METTL8: variants seen among roughly 807,000 people sequenced by gnomAD.
METTL8 encodes the protein tRNA N(3)-cytidine methyltransferase METTL8, mitochondrial.
In METTL8, 32 loss-of-function variants were observed where a neutral mutation model predicts 48.7. The observed-to-expected ratio is 0.66, with a 90% confidence interval of 0.50 to 0.88. METTL8 has a LOEUF of 0.88. Ranked by LOEUF, METTL8 falls within the 40% of genes least tolerant of loss-of-function variation. The probability of loss-of-function intolerance (pLI) is 0.00; values close to 1 mark genes in which losing one functional copy is unlikely to be tolerated. For synonymous variants in METTL8, 136 were observed against 157.1 expected, an observed-to-expected ratio of 0.87 and a Z score of 1.01; for missense variants, 464 against 474.4, an observed-to-expected ratio of 0.98 and a Z score of 0.20.
chr2:171,380,754 T>A (rs1203563640), intron 2 of METTL8, among the ~76,000 whole-genome samples: 3 of 151,946 alleles, frequency 2.0e-5, no homozygotes, highest in Non-Finnish European at 2.9e-5. Context: ...AGAGAGGACA[T>A]AAACGAATGG....
At chr2:171,351,698 C>A (rs528279048) in intron 3 of METTL8, among the ~76,000 whole-genome samples, 1 of 152,094 alleles carries the variant, frequency 6.6e-6, no homozygotes, top group Non-Finnish European at 1.5e-5. Context: ...AATTTGGATT[C>A]CTAGGTATTT....
chr2:171,398,512 T>C (rs1202213687), intron 1 of METTL8, among the ~76,000 whole-genome samples: 1 of 151,342 alleles, frequency 6.6e-6, no homozygotes, highest in Non-Finnish European at 1.5e-5. Context: ...GAAGGGGGAA[T>C]GGGGAATTAA....
rs1292762934 is a variant in METTL8, at chr2:171,433,927, C to A, written c.-57G>T. On this transcript the variant is annotated 5_prime_UTR_variant, in exon 1 of 10. Coordinates refer to ENST00000375258, the MANE Select transcript of METTL8 (RefSeq NM_001321154.2). ...TTTGGGGGGATCGCCCTCGACACAGCGCCCCTCCCGGCACCTGGCCAGAAC... is the reference window on the plus strand; with the variant it reads ...TTTGGGGGGATCGCCCTCGACACAGAGCCCCTCCCGGCACCTGGCCAGAAC... The A allele has an allele frequency of 5.3e-6, 1 of 188,766 alleles. No homozygotes were observed. The highest frequency in any genetic ancestry group is 1.1e-5 in the Non-Finnish European group (1 of 90,774). 11.7% of individuals were successfully genotyped at this position (188,766 alleles called of 1,614,324 possible). A position where few individuals can be genotyped will look rare whatever the true frequency, so the allele number is the denominator to read the frequency against.
At chr2:171,356,952 A>ATGTTTTTTTTTTTTTTTTT in intron 3 of METTL8, among the ~76,000 whole-genome samples, 1,252 of 78,464 alleles carry the variant, frequency 0.016, 419 homozygotes, top group East Asian at 0.025. Flanking sequence ...CAAAGACAAT[A>ATGTTTTTTTTTTTTTTTTT]TTTTTTTTTT....
rs1371974651 is a variant in METTL8 at position 171,374,993 on chromosome 2, T to C, written c.144-14480A>G. 11 of 1,042,162 alleles carry C rather than the reference T, an allele frequency of 1.1e-5. No individual in the cohort carries two copies. The East Asian group carries it at 2.6e-4, about 25-fold the overall frequency. The allele number at this position is 1,042,162 out of a possible 1,614,324, so 64.6% of individuals were successfully genotyped here. A position where few individuals can be genotyped will look rare whatever the true frequency, so the allele number is the denominator to read the frequency against. On this transcript the variant is annotated intron_variant, in intron 2 of 9. Coordinates refer to ENST00000375258, the MANE Select transcript of METTL8 (RefSeq NM_001321154.2). ...ACAGGTCTAAATCAGGGTGGGGGTGTTCGGTCTTTGTGGGCTTCACGAGAT... is the reference window on the plus strand; with the variant it reads ...ACAGGTCTAAATCAGGGTGGGGGTGCTCGGTCTTTGTGGGCTTCACGAGAT...
At chr2:171,397,968 C>T (rs1029337931) in intron 1 of METTL8, among the ~76,000 whole-genome samples, 1 of 152,066 alleles carries the variant, frequency 6.6e-6, no homozygotes, top group Non-Finnish European at 1.5e-5. Flanking sequence ...AAAACAGCAA[C>T]AACAACCCAG....
At chr2:171,419,844 T>C (rs1365078277) in intron 1 of METTL8, among the ~76,000 whole-genome samples, 2 of 152,006 alleles carry the variant, frequency 1.3e-5, no homozygotes, top group African/African-American at 4.8e-5. Flanking sequence ...TCAGACAAAA[T>C]AGTTCCACCA....
rs80027089 is a variant in METTL8, at chr2:171,323,433, C to T, written c.*739G>A. On this transcript the variant is annotated 3_prime_UTR_variant, in exon 10 of 10. Transcript: ENST00000375258. ...ATTCTTGGGAGAGACAGGGTTTTGC[C>T]ATGTTGTCCAGGCTGGTCTTGAACT... is the stretch of plus-strand genomic sequence containing the variant. The T allele has an allele frequency of 0.015, 2,255 of 152,508 alleles. 236 individuals are homozygous for T. The East Asian group carries it at 0.3, about 20-fold the overall frequency. The allele number at this position is 152,508 out of a possible 1,614,324, so 9.4% of individuals were successfully genotyped here.
chr2:171,387,548 A>T (rs577324654), intron 2 of METTL8, among the ~76,000 whole-genome samples: 70 of 151,856 alleles, frequency 4.6e-4, no homozygotes, highest in African/African-American at 1.6e-3. Context: ...AAAATTAAAA[A>T]AAAAATTTTT....
chr2:171,340,099 G>A (rs1686562276), intron 3 of METTL8, among the ~76,000 whole-genome samples: 1 of 151,742 alleles, frequency 6.6e-6, no homozygotes, highest in Non-Finnish European at 1.5e-5. Context: ...TCAGGAGGCT[G>A]AGGCAGGAGA....
At chr2:171,431,582 C>T (rs1177360480) in intron 1 of METTL8, among the ~76,000 whole-genome samples, 3 of 152,208 alleles carry the variant, frequency 2.0e-5, no homozygotes, top group African/African-American at 7.2e-5. Flanking sequence ...CCTCACCCTC[C>T]GATTGTTAGT....
At chr2:171,392,243 G>C in intron 1 of METTL8, 46 bp from the exon 2 acceptor site, 1 of 1,464,522 alleles carries the variant, frequency 6.8e-7, no homozygotes, top group Non-Finnish European at 9.3e-7. Context: ...ATTAAACAGT[G>C]TATTGTTTAT....
chr2:171,329,477 G>C (rs1349279573), intron 7 of METTL8, among the ~76,000 whole-genome samples: 2 of 152,186 alleles, frequency 1.3e-5, no homozygotes, highest in African/African-American at 4.8e-5. Flanking sequence ...CAAACACATA[G>C]ATGACAACTT....
chr2:171,402,667 C>G (rs577348451), intron 1 of METTL8, among the ~76,000 whole-genome samples: 10 of 152,198 alleles, frequency 6.6e-5, no homozygotes, highest in African/African-American at 2.4e-4. Context: ...GTCATCACAT[C>G]CCGGTGGCAA....
intron 4 of METTL8, 149 bp downstream of exon 4, chr2:171,339,035 G>A (rs1733487): frequency 1 from 567,021 of 569,028 alleles, 282,541 homozygotes; most frequent in Middle Eastern, 1. Context: ...GAGTCCCTTA[G>A]ATATTATTTA....
chr2:171,341,504 G>A (rs535499768), intron 3 of METTL8, among the ~76,000 whole-genome samples: 1 of 151,560 alleles, frequency 6.6e-6, no homozygotes, highest in South Asian at 2.1e-4. Context: ...CTCCCAAAGT[G>A]CTGGGATTAC....
At chr2:171,374,560 G>T (rs572496054) in intron 2 of METTL8, among the ~76,000 whole-genome samples, 2 of 152,162 alleles carry the variant, frequency 1.3e-5, no homozygotes, top group South Asian at 2.1e-4. Context: ...AATATATGTA[G>T]ACACTTGTGA....
chr2:171,328,524 T>G (rs1685190998), intron 7 of METTL8, among the ~76,000 whole-genome samples: 1 of 152,176 alleles, frequency 6.6e-6, no homozygotes, highest in South Asian at 2.1e-4. Flanking sequence ...TTTTTCTTTT[T>G]TTGAGACAGG....
intron 2 of METTL8, among the ~76,000 whole-genome samples, chr2:171,364,896 G>A (rs73976150): frequency 0.054 from 8,270 of 152,210 alleles, 241 homozygotes; most frequent in African/African-American, 0.072. Context: ...ATAAGTCAAT[G>A]ATATTTGACA....
Sources: gnomAD v4.1 joint callset for allele counts (sites outside exome capture counted in the v4.1 genomes callset) on GRCh38, gnomAD v4.1.1 for gene constraint, MANE v1.5 for transcripts, NCBI Gene and HGNC (gene_info 2026-07-23, HGNC 2026-07-21) for gene names.